The following PHLPP2 variants were observed in gnomAD, a reference collection of about 807,000 sequenced individuals.
The protein encoded by PHLPP2 is PH domain and leucine rich repeat protein phosphatase 2.
PHLPP2 carries 66 observed loss-of-function variants against 124.9 expected under a neutral mutation model. That is an observed-to-expected ratio of 0.53 (90% confidence interval 0.43 to 0.65). The LOEUF is 0.65. Ranked by LOEUF, PHLPP2 falls within the 30% of genes least tolerant of loss-of-function variation. The probability of loss-of-function intolerance (pLI) is 0.00; values close to 1 mark genes in which losing one functional copy is unlikely to be tolerated. For missense variants in PHLPP2, 1,685 were observed against 1,600.4 expected (o/e 1.05, Z -0.90); for synonymous variants, 681 against 624.7 (o/e 1.09, Z -1.34).
At chr16:71,697,098 G>A (rs564110933) in intron 3 of PHLPP2, among the ~76,000 whole-genome samples, 5 of 151,856 alleles carry the variant, frequency 3.3e-5, no homozygotes, top group Non-Finnish European at 7.4e-5. Flanking sequence ...TTGAATCTTT[G>A]AGAGGCGGAG....
Position 71,646,954 on chromosome 16 carries a change from T to A in PHLPP2, c.*1936A>T, listed in dbSNP as rs556981590. The A allele has an allele frequency of 6.6e-6, 1 of 152,466 alleles. No individual in the cohort carries two copies. Among genetic ancestry groups the A allele is most frequent in the Admixed American group, 6.5e-5 (1 of 15,308 alleles). 9.4% of individuals were successfully genotyped at this position (152,466 alleles called of 1,614,324 possible). On this transcript the variant is annotated 3_prime_UTR_variant, in exon 19 of 19. Transcript: ENST00000568954. ...AGAGTGTATCCCAATGACACGTGCA[T>A]ATGAGCATGGGGCCTCTGAGAAGAT...
At chr16:71,718,807 C>T (rs1360425506) in intron 1 of PHLPP2, among the ~76,000 whole-genome samples, 2 of 152,148 alleles carry the variant, frequency 1.3e-5, no homozygotes, top group African/African-American at 2.4e-5. Context: ...TGATACATTC[C>T]GCCCTAAGAA....
chr16:71,670,872 T>C (rs1311487896), intron 10 of PHLPP2, among the ~76,000 whole-genome samples: 1 of 152,050 alleles, frequency 6.6e-6, no homozygotes. Context: ...TACGCATCTA[T>C]ATAAATTCAA....
At chr16:71,687,482 A>G (rs1213664832) in intron 4 of PHLPP2, among the ~76,000 whole-genome samples, 1 of 152,226 alleles carries the variant, frequency 6.6e-6, no homozygotes, top group East Asian at 1.9e-4. Flanking sequence ...TAGTATTTAA[A>G]ATAACATCTG....
At chr16:71,720,905 T>C (rs1182527609) in intron 1 of PHLPP2, among the ~76,000 whole-genome samples, 1 of 151,822 alleles carries the variant, frequency 6.6e-6, no homozygotes, top group Non-Finnish European at 1.5e-5. Flanking sequence ...GAAATACTCT[T>C]AGGTAGAAGA....
rs747660043 is a variant in PHLPP2, at chr16:71,690,573, T to C, written c.555A>G (p.Ser185=). 4 of 1,613,196 alleles carry C rather than the reference T, an allele frequency of 2.5e-6. No homozygotes were observed. Among genetic ancestry groups the C allele is most frequent in the African/African-American group, 1.3e-5 (1 of 74,894 alleles). ...VLCGTCLIVS[S]VKDCQTGKMH... is the part of the protein sequence containing the mutation. ...TCTTTCCAGTTTGACAATCCTTCAC[T>C]GAGGAAACGATAAGGCAGGTACCAC... Residue 185 remains serine, a synonymous_variant, in exon 4 of 19, where the codon TCA becomes TCG. Transcript: ENST00000568954.
In PHLPP2 at chr16:71,700,571, G is replaced by C. The variant is rs554554702; in HGVS notation, c.418+2027C>G. On this transcript the variant is annotated intron_variant, in intron 3 of 18. Transcript: ENST00000568954. ...GACAGAGTCTCGCTCTGTCACCCAGGCTTGAGTGCAGGGGCACGATCTCGG... is the reference window on the plus strand; with the variant it reads ...GACAGAGTCTCGCTCTGTCACCCAGCCTTGAGTGCAGGGGCACGATCTCGG... 2.0e-4 allele frequency among the ~76,000 whole-genome samples: 28 copies of C among 141,538 alleles called. 2 individuals are homozygous for C. In the South Asian group the frequency reaches 4.9e-3, roughly 25 times the overall value. The allele number at this position is 141,538 out of a possible 152,430, so 92.9% of individuals were successfully genotyped here. A position where few individuals can be genotyped will look rare whatever the true frequency, so the allele number is the denominator to read the frequency against.
At chr16:71,716,026 A>G (rs922628915) in intron 1 of PHLPP2, among the ~76,000 whole-genome samples, 4 of 152,082 alleles carry the variant, frequency 2.6e-5, no homozygotes, top group Middle Eastern at 3.4e-3. Context: ...TATAAACCAT[A>G]CACAGTATTG....
At chr16:71,702,422 T>A (rs1408271932) in intron 3 of PHLPP2, among the ~76,000 whole-genome samples, 176 bp downstream of exon 3, 1 of 152,212 alleles carries the variant, frequency 6.6e-6, no homozygotes, top group Non-Finnish European at 1.5e-5. Flanking sequence ...TTTTAAAGTG[T>A]TCCCTTACCC....
chr16:71,703,595 G>C (rs1223372178), intron 2 of PHLPP2, among the ~76,000 whole-genome samples: 1 of 152,062 alleles, frequency 6.6e-6, no homozygotes, highest in Non-Finnish European at 1.5e-5. Flanking sequence ...GCTTTTACCA[G>C]AAACCAAACA....
intron 2 of PHLPP2, among the ~76,000 whole-genome samples, chr16:71,709,238 G>A (rs183393220): frequency 6.6e-6 from 1 of 152,238 alleles, no homozygotes; most frequent in Non-Finnish European, 1.5e-5. Flanking sequence ...AAAACAGGAT[G>A]TTTCATTCCA....
intron 2 of PHLPP2, among the ~76,000 whole-genome samples, chr16:71,711,201 C>T (rs555996703): frequency 1.6e-4 from 25 of 151,728 alleles, no homozygotes; most frequent in African/African-American, 5.8e-4. Context: ...TGTGGTGGCT[C>T]ATGCCTGTAA....
intron 2 of PHLPP2, among the ~76,000 whole-genome samples, chr16:71,706,308 G>T (rs914379056): frequency 6.6e-6 from 1 of 152,182 alleles, no homozygotes; most frequent in Non-Finnish European, 1.5e-5. Flanking sequence ...AGATTATACC[G>T]CTTAGCCAAG....
chr16:71,723,751 G>A, intron 1 of PHLPP2: 1 of 1,245,854 alleles, frequency 8.0e-7, no homozygotes, highest in Non-Finnish European at 1.1e-6. Flanking sequence ...TCGCTCGCTG[G>A]TCCATCCGCC....
In PHLPP2 at chr16:71,664,158, A is replaced by G. The variant is rs914923830; in HGVS notation, c.1785-59T>C. 46 of 1,141,588 alleles carry G rather than the reference A, an allele frequency of 4.0e-5. 1 individual carries two copies. The Middle Eastern group carries it at 6.3e-4, about 16-fold the overall frequency. The allele number at this position is 1,141,588 out of a possible 1,614,324, so 70.7% of individuals were successfully genotyped here. ...AAGTTTATTTGCTGCCTTCCTATAT[A>G]GAAACCATCATGTCACCTCAGTATG... On this transcript the variant is annotated intron_variant, in intron 12 of 18. Transcript: ENST00000568954.
intron 13 of PHLPP2, among the ~76,000 whole-genome samples, chr16:71,660,734 A>G (rs1465318181): frequency 6.6e-6 from 1 of 152,014 alleles, no homozygotes; most frequent in Non-Finnish European, 1.5e-5. Context: ...TTATTTAACA[A>G]TATATTTTAA....
At position 71,646,409 on chromosome 16, in the gene PHLPP2, G is replaced by C. The variant is rs1045289410; in HGVS notation, c.*2481C>G. Reference sequence around the variant, plus strand: ...ATTCTACCACACAGAACAACATTTGGAATTACAGAGTTCTGCTGACTAAAA... The same window carrying C: ...ATTCTACCACACAGAACAACATTTGCAATTACAGAGTTCTGCTGACTAAAA... On this transcript the variant is annotated 3_prime_UTR_variant, in exon 19 of 19. Transcript: ENST00000568954. 2.6e-5 allele frequency: 4 copies of C among 152,098 alleles called. No homozygotes were observed. The highest frequency in any genetic ancestry group is 2.0e-4 in the Admixed American group (3 of 15,252). 9.4% of individuals were successfully genotyped at this position (152,098 alleles called of 1,614,324 possible).
At chr16:71,700,151 C>A (rs2045216285) in intron 3 of PHLPP2, among the ~76,000 whole-genome samples, 1 of 152,158 alleles carries the variant, frequency 6.6e-6, no homozygotes, top group South Asian at 2.1e-4. Context: ...AATCCCAGCA[C>A]TTTAGGAGGC....
intron 6 of PHLPP2, among the ~76,000 whole-genome samples, chr16:71,679,857 TG>T (rs1235176234): frequency 3.3e-5 from 5 of 152,092 alleles, no homozygotes; most frequent in African/African-American, 1.2e-4. Context: ...CCGAGGCAGG[TG>T]GATCACGAGG....
Sources: allele counts gnomAD v4.1 joint callset (sites outside exome capture counted in the v4.1 genomes callset), GRCh38; gene constraint gnomAD v4.1.1; transcripts MANE v1.5; gene names NCBI Gene and HGNC (gene_info 2026-07-23, HGNC 2026-07-21).